Variants in WDFY4 observed in about 807,000 individuals in gnomAD.
WDFY4 encodes the protein WD repeat- and FYVE domain-containing protein 4.
In WDFY4, 169 loss-of-function variants were observed where a neutral mutation model predicts 351.9. The ratio of observed to expected loss-of-function variants is 0.48; its 90% confidence interval spans 0.42 to 0.55. The LOEUF (loss-of-function observed/expected upper bound fraction) is 0.55. WDFY4 is among the 20% of genes least tolerant of loss of function. The pLI is 0.00. For synonymous variants in WDFY4, 1,622 were observed against 1,574.6 expected (o/e 1.03, Z -0.71); for missense variants, 3,803 against 3,935.6 (o/e 0.97, Z 0.90).
At chr10:48,754,896 G>C (rs2065288618) in intron 12 of WDFY4, among the ~76,000 whole-genome samples, 1 of 152,146 alleles carries the variant, frequency 6.6e-6, no homozygotes, top group Admixed American at 6.5e-5. Context: ...GGAAAACTGG[G>C]TGTTGGTAAT....
At chr10:48,777,024 A>G (rs1323537820) in intron 16 of WDFY4, 40 bp downstream of exon 16, 1 of 1,521,676 alleles carries the variant, frequency 6.6e-7, no homozygotes, top group East Asian at 2.5e-5. Context: ...CACTTTATTA[A>G]TTTTGCAGTG....
chr10:48,752,134 A>T (rs1321588006), intron 12 of WDFY4, among the ~76,000 whole-genome samples: 2 of 152,176 alleles, frequency 1.3e-5, no homozygotes, highest in Non-Finnish European at 2.9e-5. Flanking sequence ...CCTTGTCTCC[A>T]TTCCTGCTCT....
intron 1 of WDFY4, among the ~76,000 whole-genome samples, chr10:48,686,142 G>A (rs1189361172): frequency 6.6e-6 from 1 of 152,016 alleles, no homozygotes. Context: ...CTGAGCACAT[G>A]GGCTATTCTT....
At chr10:48,828,088 T>C (rs1234830038) in intron 36 of WDFY4, among the ~76,000 whole-genome samples, 1 of 152,220 alleles carries the variant, frequency 6.6e-6, no homozygotes, top group East Asian at 1.9e-4. Flanking sequence ...CCTTTCCATG[T>C]TTGTCATTTT....
At chr10:48,814,216 G>A in intron 31 of WDFY4, 134 bp downstream of exon 31, 1 of 1,265,834 alleles carries the variant, frequency 7.9e-7, no homozygotes, top group Non-Finnish European at 1.0e-6. Context: ...GAAGAGGTGA[G>A]GTAAGTTCCT....
intron 1 of WDFY4, among the ~76,000 whole-genome samples, chr10:48,705,637 C>T: frequency 6.6e-6 from 1 of 152,190 alleles, no homozygotes; most frequent in South Asian, 2.1e-4. Context: ...GCATTTGAGT[C>T]AGATGCTGCT....
chr10:48,805,407 C>G lies in WDFY4; in HGVS notation c.4632C>G (p.Thr1544=). ...GTCAGCTGAGGGGCCACTTCAGCAC[C>G]CAGGACTTGCTCAGGTACCACACCA... ...LACQLRGHFS[T]QDLLRIGLFV... The change falls in exon 26 of 62, where the codon ACC becomes ACG. Residue 1544 remains threonine, a synonymous_variant. Coordinates refer to ENST00000325239, the MANE Select transcript of WDFY4 (RefSeq NM_001394531.1). 1 of 1,548,640 alleles carries G rather than the reference C, an allele frequency of 6.5e-7. No homozygotes were observed. Among genetic ancestry groups the G allele is most frequent in the Non-Finnish European group, 8.7e-7 (1 of 1,146,996 alleles).
chr10:48,713,556 A>T (rs1164778692), intron 2 of WDFY4, among the ~76,000 whole-genome samples: 2 of 152,228 alleles, frequency 1.3e-5, no homozygotes, highest in African/African-American at 4.8e-5. Flanking sequence ...AACCCAGTCA[A>T]CATTTTGGCT....
chr10:48,934,411 T>A (rs1463439729), intron 47 of WDFY4, among the ~76,000 whole-genome samples: 2 of 152,222 alleles, frequency 1.3e-5, no homozygotes, highest in African/African-American at 2.4e-5. Context: ...ACCGGGGGGA[T>A]ACAGCAATTG....
intron 47 of WDFY4, among the ~76,000 whole-genome samples, chr10:48,914,883 C>A (rs561506781): frequency 4.6e-5 from 7 of 152,134 alleles, no homozygotes. Context: ...ATGGGGGGTG[C>A]GGGCAAAGCT....
chr10:48,910,192 T>C, intron 47 of WDFY4: 2 of 761,676 alleles, frequency 2.6e-6, no homozygotes, highest in Non-Finnish European at 2.2e-6. Flanking sequence ...TCAGAGTCGT[T>C]TATTCTGTTA....
chr10:48,976,722 A>G (rs1842585016), intron 58 of WDFY4, 75 bp from the exon 59 acceptor site: 1 of 1,276,950 alleles, frequency 7.8e-7, no homozygotes, highest in East Asian at 3.1e-5. Context: ...GGGTGTACCA[A>G]CTGGGTAGCT....
intron 1 of WDFY4, among the ~76,000 whole-genome samples, chr10:48,698,844 G>C (rs1462128161): frequency 6.6e-6 from 1 of 152,222 alleles, no homozygotes; most frequent in Non-Finnish European, 1.5e-5. Context: ...TGTAGGCAGA[G>C]AGACATTTAT....
rs190563441 is a variant in WDFY4 at position 48,873,778 on chromosome 10, T to C, written c.6948+81T>C. The C allele has an allele frequency of 4.2e-4, 607 of 1,443,116 alleles. 5 individuals carry two copies. The Admixed American group carries it at 0.012, about 29-fold the overall frequency. 89.4% of individuals were successfully genotyped at this position (1,443,116 alleles called of 1,614,324 possible). A position where few individuals can be genotyped will look rare whatever the true frequency, so the allele number is the denominator to read the frequency against. On this transcript the variant is annotated intron_variant, in intron 41 of 61. Coordinates refer to ENST00000325239, the MANE Select transcript of WDFY4 (RefSeq NM_001394531.1). ...GCAGCTCCTGAGCTTCCCCATCACATGTTGTTTATATCAGGCTAAGATAAC... is the reference window on the plus strand; with the variant it reads ...GCAGCTCCTGAGCTTCCCCATCACACGTTGTTTATATCAGGCTAAGATAAC...
chr10:48,716,246 T>G (rs1483032589), intron 2 of WDFY4, among the ~76,000 whole-genome samples: 2 of 152,186 alleles, frequency 1.3e-5, no homozygotes, highest in Non-Finnish European at 2.9e-5. Flanking sequence ...TGACATTTTG[T>G]TCGTGCTGGA....
At chr10:48,891,042 C>T (rs894286003) in intron 44 of WDFY4, among the ~76,000 whole-genome samples, 5 of 152,210 alleles carry the variant, frequency 3.3e-5, no homozygotes, top group Admixed American at 6.5e-5. Flanking sequence ...ACTCACTCAA[C>T]GACATGTTAG....
At chr10:48,795,961 C>T (rs1416824902) in intron 23 of WDFY4, among the ~76,000 whole-genome samples, 1 of 152,070 alleles carries the variant, frequency 6.6e-6, no homozygotes, top group Non-Finnish European at 1.5e-5. Flanking sequence ...GGTAGCTTCC[C>T]ATAAATGCAG....
rs1681646757 is a variant in WDFY4 at position 48,742,576 on chromosome 10, C to T, written c.1879-392C>T. On this transcript the variant is annotated intron_variant, in intron 11 of 61. Coordinates refer to ENST00000325239, the MANE Select transcript of WDFY4 (RefSeq NM_001394531.1). ...ATATGGTTTCCATCTCGTGGAGCTT[C>T]AGTCTGGTGGAGAGCTGAGACGGTT... is the stretch of plus-strand genomic sequence containing the variant. 2.0e-5 allele frequency among the ~76,000 whole-genome samples: 3 copies of T among 152,166 alleles called. No individual in the cohort carries two copies. The South Asian group carries it at 6.2e-4, about 32-fold the overall frequency.
At chr10:48,881,665 A>C (rs2070254827) in intron 43 of WDFY4, among the ~76,000 whole-genome samples, 1 of 152,160 alleles carries the variant, frequency 6.6e-6, no homozygotes, top group Non-Finnish European at 1.5e-5. Flanking sequence ...AAATCCTCGA[A>C]CCAGAGGAGC....
Sources: allele counts gnomAD v4.1 joint callset (sites outside exome capture counted in the v4.1 genomes callset), GRCh38; gene constraint gnomAD v4.1.1; transcripts MANE v1.5; gene names NCBI Gene and HGNC (gene_info 2026-07-23, HGNC 2026-07-21).